KCNH5: variants seen among roughly 807,000 people sequenced by gnomAD.
The protein encoded by KCNH5 is potassium voltage-gated channel subfamily H member 5.
In KCNH5, 46 loss-of-function variants were observed where a neutral mutation model predicts 96.1. The observed-to-expected ratio is 0.48, with a 90% CI of 0.38 to 0.61. The LOEUF is 0.61. Among genes scored for constraint, KCNH5 ranks in the 20% least tolerant of loss-of-function variants. KCNH5 has a pLI of 0.00. For missense variants in KCNH5, 907 were observed against 1,225.8 expected (o/e 0.74, Z 3.88); for synonymous variants, 439 against 449.8 (o/e 0.98, Z 0.30).
intron 7 of KCNH5, among the ~76,000 whole-genome samples, chr14:62,862,057 C>T (rs1396674245): frequency 2.0e-5 from 3 of 152,010 alleles, no homozygotes; most frequent in South Asian, 2.1e-4. Flanking sequence ...TTTGCTTTTC[C>T]GTGGTGATAC....
intron 10 of KCNH5, among the ~76,000 whole-genome samples, chr14:62,715,821 A>G (rs1257935989): frequency 6.6e-6 from 1 of 151,968 alleles, no homozygotes; most frequent in African/African-American, 2.4e-5. Context: ...AGAGGAAGGC[A>G]GAAAGGGAGG....
At chr14:62,861,311 C>G (rs1336904834) in intron 7 of KCNH5, among the ~76,000 whole-genome samples, 1 of 151,504 alleles carries the variant, frequency 6.6e-6, no homozygotes, top group Non-Finnish European at 1.5e-5. Context: ...ACTCTGTCAC[C>G]CAGGCTGGAG....
Position 62,706,117 on chromosome 14 carries a change from G to C in KCNH5, c.*1391C>G, listed in dbSNP as rs2139896890. 6.6e-6 allele frequency: 1 copy of C among 152,116 alleles called. No homozygotes were observed. The highest frequency in any genetic ancestry group is 3.4e-3 in the Middle Eastern group (1 of 294). 9.4% of individuals were successfully genotyped at this position (152,116 alleles called of 1,614,324 possible). A position where few individuals can be genotyped will look rare whatever the true frequency, so the allele number is the denominator to read the frequency against. On this transcript the variant is annotated 3_prime_UTR_variant, in exon 11 of 11. Transcript: ENST00000322893. ...TCATTTAAGGGACTAGCTATATACA[G>C]GACAACTCTTTGTGACTTTTTTTAA...
At chr14:62,716,073 G>GT (rs1293734512) in intron 10 of KCNH5, among the ~76,000 whole-genome samples, 1 of 152,088 alleles carries the variant, frequency 6.6e-6, no homozygotes, top group Non-Finnish European at 1.5e-5. Flanking sequence ...ATGAAAATAT[G>GT]TTTTTCACAA....
Position 62,979,177 on chromosome 14 carries a change from T to C in KCNH5, c.942+1695A>G, listed in dbSNP as rs575858543. Among the ~76,000 whole-genome samples the C allele has an allele frequency of 5.3e-4, 81 of 152,304 alleles. 1 individual carries two copies. In the South Asian group the frequency reaches 0.016, roughly 31 times the overall value. ...ACTCTAAATAACTAAAATCTCAATGTATTAATGTAATAATCTGTGTAGTGT... is the reference window on the plus strand; with the variant it reads ...ACTCTAAATAACTAAAATCTCAATGCATTAATGTAATAATCTGTGTAGTGT... On this transcript the variant is annotated intron_variant, in intron 6 of 10. Transcript: ENST00000322893.
rs114473125 is a variant in KCNH5 at position 62,740,242 on chromosome 14, G to C, written c.2020-31787C>G. On this transcript the variant is annotated intron_variant, in intron 10 of 10. Transcript: ENST00000322893. ...ATGATGTGTATGTGGGTATTTGTGAGGGTATATTTGATTATAGAAAGATAC... is the reference window on the plus strand; with the variant it reads ...ATGATGTGTATGTGGGTATTTGTGACGGTATATTTGATTATAGAAAGATAC... 6.0e-3 allele frequency among the ~76,000 whole-genome samples: 912 copies of C among 152,246 alleles called. 6 individuals carry two copies. Among genetic ancestry groups the C allele is most frequent in the African/African-American group, 0.021 (867 of 41,540 alleles).
chr14:62,875,610 C>T (rs539685844), intron 7 of KCNH5, among the ~76,000 whole-genome samples: 1 of 152,220 alleles, frequency 6.6e-6, no homozygotes, highest in East Asian at 1.9e-4. Flanking sequence ...TAAATTAGTT[C>T]AACCATTGTG....
intron 1 of KCNH5, among the ~76,000 whole-genome samples, chr14:63,033,258 T>G (rs921361046): frequency 2.0e-5 from 3 of 152,212 alleles, no homozygotes; most frequent in Non-Finnish European, 2.9e-5. Context: ...GGCCCCTAAC[T>G]GTCACTCGCC....
chr14:62,770,163 G>C (rs149172686), intron 10 of KCNH5, among the ~76,000 whole-genome samples: 1 of 152,130 alleles, frequency 6.6e-6, no homozygotes, highest in African/African-American at 2.4e-5. Context: ...CCATTTCTTC[G>C]AAGATGCTCG....
At chr14:62,835,097 T>C (rs940498408) in intron 8 of KCNH5, among the ~76,000 whole-genome samples, 2 of 152,000 alleles carry the variant, frequency 1.3e-5, no homozygotes, top group African/African-American at 4.8e-5. Flanking sequence ...TTTCTTTCAG[T>C]AGACTAAAGA....
intron 7 of KCNH5, among the ~76,000 whole-genome samples, chr14:62,900,748 TATG>T (rs1283625996): frequency 6.6e-6 from 1 of 151,808 alleles, no homozygotes; most frequent in Non-Finnish European, 1.5e-5. Context: ...AAAACAAAGA[TATG>T]ATGAGGAGGG....
At chr14:62,816,002 G>C (rs1206703018) in intron 8 of KCNH5, among the ~76,000 whole-genome samples, 1 of 151,762 alleles carries the variant, frequency 6.6e-6, no homozygotes, top group Non-Finnish European at 1.5e-5. Flanking sequence ...AAGAATTTGA[G>C]AGTTGATGAT....
intron 10 of KCNH5, among the ~76,000 whole-genome samples, chr14:62,715,712 T>G (rs183892181): frequency 6.6e-6 from 1 of 152,160 alleles, no homozygotes; most frequent in East Asian, 1.9e-4. Flanking sequence ...GTGTTATAGA[T>G]CTAGTCCAGT....
chr14:62,848,185 G>A (rs777154373), intron 8 of KCNH5, among the ~76,000 whole-genome samples: 9 of 152,162 alleles, frequency 5.9e-5, no homozygotes, highest in African/African-American at 9.7e-5. Flanking sequence ...GATAGTGATT[G>A]ACGAGGCCGG....
Position 62,890,527 on chromosome 14 carries a change from C to G in KCNH5, c.1370-40675G>C, listed in dbSNP as rs372970790. Among the ~76,000 whole-genome samples, 16 of 137,386 alleles carry G rather than the reference C, an allele frequency of 1.2e-4. No individual in the cohort carries two copies. In the South Asian group the frequency reaches 3.3e-3, roughly 29 times the overall value. The allele number at this position is 137,386 out of a possible 152,430, so 90.1% of individuals were successfully genotyped here. A position where few individuals can be genotyped will look rare whatever the true frequency, so the allele number is the denominator to read the frequency against. ...CGGCTAACACGGTGAAACCCCGTCT[C>G]TACTAAAAATACAAAAAAAAAATTA... is the stretch of plus-strand genomic sequence containing the variant. On this transcript the variant is annotated intron_variant, in intron 7 of 10. Coordinates refer to ENST00000322893, the MANE Select transcript of KCNH5 (RefSeq NM_139318.5).
chr14:62,814,116 C>T lies in KCNH5; in HGVS notation c.1570-11535G>A, dbSNP rs181891876. Among the ~76,000 whole-genome samples, 32 of 152,290 alleles carry T rather than the reference C, an allele frequency of 2.1e-4. No individual in the cohort carries two copies. In the East Asian group the frequency reaches 6.2e-3, roughly 29 times the overall value. On this transcript the variant is annotated intron_variant, in intron 8 of 10. Transcript: ENST00000322893. The stretch of plus-strand genomic sequence containing the variant: ...CAGTGAAGTATTATAGGTTAAACCT[C>T]ATTGGTTTCACTTTAGAGATAAAGT...
chr14:62,961,217 C>A (rs1890199263), intron 6 of KCNH5, among the ~76,000 whole-genome samples: 1 of 152,126 alleles, frequency 6.6e-6, no homozygotes, highest in Non-Finnish European at 1.5e-5. Context: ...ACAACCTACC[C>A]CTGCCTACCT....
intron 6 of KCNH5, among the ~76,000 whole-genome samples, chr14:62,975,716 G>A (rs1474240536): frequency 6.6e-6 from 1 of 151,882 alleles, no homozygotes; most frequent in Admixed American, 6.6e-5. Context: ...TTAAAGGAAA[G>A]TTCAATCAAT....
At chr14:62,750,330 T>C (rs1885470791) in intron 10 of KCNH5, among the ~76,000 whole-genome samples, 1 of 152,224 alleles carries the variant, frequency 6.6e-6, no homozygotes, top group South Asian at 2.1e-4. Context: ...ACTACTTAAC[T>C]GTTTTCCACT....
Sources: allele counts gnomAD v4.1 joint callset (sites outside exome capture counted in the v4.1 genomes callset), GRCh38; gene constraint gnomAD v4.1.1; transcripts MANE v1.5; gene names NCBI Gene and HGNC (gene_info 2026-07-23, HGNC 2026-07-21).